PRKRIP1: variants seen among roughly 807,000 people sequenced by gnomAD.
The protein encoded by PRKRIP1 is PRKR interacting protein 1.
In PRKRIP1, 29 loss-of-function variants were observed where a neutral mutation model predicts 29.3. The observed-to-expected ratio is 0.99, with a 90% CI of 0.74 to 1.35. The LOEUF (loss-of-function observed/expected upper bound fraction) is 1.35, where lower values mean the gene tolerates loss of function less well. PRKRIP1 is among the 40% of genes most tolerant of loss of function. The pLI, the probability that PRKRIP1 is intolerant of heterozygous loss-of-function variation, is 0.00. For missense variants in PRKRIP1, 247 were observed against 236.8 expected, an observed-to-expected ratio of 1.04 and a Z score of -0.28; for synonymous variants, 90 against 85.1, an observed-to-expected ratio of 1.06 and a Z score of -0.32.
Position 102,397,602 on chromosome 7 carries a change from C to T in PRKRIP1, c.127-18C>T. 1 of 1,603,860 alleles carries T rather than the reference C, an allele frequency of 6.2e-7. No individual in the cohort carries two copies. The highest frequency in any genetic ancestry group is 8.5e-7 in the Non-Finnish European group (1 of 1,171,544). Reference sequence around the variant, plus strand: ...CAACAGGTTTATACTTAAATGCTTTCATGTTTAAATGTTGCAGGACAAAGC... The same window carrying T: ...CAACAGGTTTATACTTAAATGCTTTTATGTTTAAATGTTGCAGGACAAAGC... On this transcript the variant is annotated intron_variant, in intron 1 of 5. Coordinates refer to ENST00000397912, the MANE Select transcript of PRKRIP1 (RefSeq NM_024653.4).
chr7:102,418,697 A>G (rs1355851344), intron 5 of PRKRIP1, among the ~76,000 whole-genome samples: 1 of 152,128 alleles, frequency 6.6e-6, no homozygotes, highest in African/African-American at 2.4e-5. Context: ...TAATTGCTCA[A>G]TGCCAGCATA....
chr7:102,408,480 G>A (rs1263527434), intron 5 of PRKRIP1, among the ~76,000 whole-genome samples: 5 of 152,112 alleles, frequency 3.3e-5, no homozygotes, highest in South Asian at 2.1e-4. Context: ...CAATCCTGCC[G>A]CCTCTGAACT....
rs1554574304 is a variant in PRKRIP1, at chr7:102,425,232, A to C, written c.*121A>C. 3 of 1,522,162 alleles carry C rather than the reference A, an allele frequency of 2.0e-6. No individual in the cohort carries two copies. The highest frequency in any genetic ancestry group is 1.4e-5 in the African/African-American group (1 of 72,560). 94.3% of individuals were successfully genotyped at this position (1,522,162 alleles called of 1,614,324 possible). On this transcript the variant is annotated 3_prime_UTR_variant, in exon 6 of 6. Transcript: ENST00000397912. ...TGACCCGCTGGATGGAGAGCAAAGG[A>C]GACCCCTCCCGAGCCGCTCACAGTC...
chr7:102,425,506 GCCA>G lies in PRKRIP1; in HGVS notation c.*399_*401del, dbSNP rs1796809053. The stretch of plus-strand genomic sequence containing the variant: ...CAAACACTCTGGAGAAGGCTGAGAT[GCCA>G]CCATTCCCACGGGGACTGAAGACAC... On this transcript the variant is annotated 3_prime_UTR_variant, in exon 6 of 6. Transcript: ENST00000397912. 1.7e-5 allele frequency: 5 copies of G among 299,750 alleles called. No homozygotes were observed. The highest frequency in any genetic ancestry group is 1.3e-4 in the South Asian group (5 of 37,188). 18.6% of individuals were successfully genotyped at this position (299,750 alleles called of 1,614,324 possible).
At chr7:102,408,191 G>A (rs925691132) in intron 5 of PRKRIP1, among the ~76,000 whole-genome samples, 14 of 152,214 alleles carry the variant, frequency 9.2e-5, no homozygotes, top group Non-Finnish European at 1.6e-4. Context: ...AAGAAGGGGA[G>A]TGAGGTGGTA....
Position 102,407,466 on chromosome 7 carries a change from A to G in PRKRIP1, c.425A>G (p.Lys142Arg). 6.2e-7 allele frequency: 1 copy of G among 1,613,266 alleles called. No homozygotes were observed. Among genetic ancestry groups the G allele is most frequent in the Non-Finnish European group, 8.5e-7 (1 of 1,179,178 alleles). ...QKLKEKKLLA[K>R]KMKLEQKKQE... ...TTAAAAGAGAAGAAATTACTGGCAA[A>G]GAAGATGAAACTTGAACAGAAGAAA... Residue 142 changes from lysine to arginine, a missense_variant, in exon 5 of 6, where the codon AAG becomes AGG. Lys to Arg is a conservative substitution (Grantham distance 26). Transcript: ENST00000397912.
At chr7:102,422,525 A>G (rs1293917471) in intron 5 of PRKRIP1, among the ~76,000 whole-genome samples, 2 of 151,940 alleles carry the variant, frequency 1.3e-5, no homozygotes, top group Non-Finnish European at 2.9e-5. Flanking sequence ...TATTTTTAGT[A>G]GAGACGGGGT....
intron 1 of PRKRIP1, 39 bp from the exon 2 acceptor site, chr7:102,397,581 A>T: frequency 6.5e-7 from 1 of 1,534,832 alleles, no homozygotes; most frequent in African/African-American, 1.4e-5. Context: ...TTTTGTCAAC[A>T]GGTTTATACT....
chr7:102,422,224 G>GA (rs1796714614), intron 5 of PRKRIP1, among the ~76,000 whole-genome samples: 1 of 149,500 alleles, frequency 6.7e-6, no homozygotes, highest in African/African-American at 2.5e-5. Context: ...GCCCAGGCTG[G>GA]AGTACAGTGC....
chr7:102,419,843 TTTTGTGTGTGTGTGTGTGTGTGTG>T (rs1340192073), intron 5 of PRKRIP1, among the ~76,000 whole-genome samples: 1 of 133,536 alleles, frequency 7.5e-6, no homozygotes, highest in African/African-American at 2.8e-5. Context: ...TTTTTTGTGT[TTTTGTGTGTGTGTGTGTGTGTGTG>T]TGTGTGTGTG....
intron 5 of PRKRIP1, among the ~76,000 whole-genome samples, chr7:102,416,766 A>G (rs1366570156): frequency 6.6e-6 from 1 of 150,446 alleles, no homozygotes. Flanking sequence ...TGCAGCCTCG[A>G]ACTTCTGGGC....
In PRKRIP1 at chr7:102,425,826, G is replaced by T; in HGVS notation, c.*715G>T. On this transcript the variant is annotated 3_prime_UTR_variant, in exon 6 of 6. Transcript: ENST00000397912. The stretch of plus-strand genomic sequence containing the variant: ...AGGCGGAGACTCCAAGCTGGGCTGA[G>T]CCAGAGCAGAAGGCGAGGGATTCCC... The T allele has an allele frequency of 6.4e-6, 1 of 155,236 alleles. No individual in the cohort carries two copies. The allele number at this position is 155,236 out of a possible 1,614,324, so 9.6% of individuals were successfully genotyped here. A position where few individuals can be genotyped will look rare whatever the true frequency, so the allele number is the denominator to read the frequency against.
At chr7:102,421,183 G>A (rs969866372) in intron 5 of PRKRIP1, among the ~76,000 whole-genome samples, 1 of 152,202 alleles carries the variant, frequency 6.6e-6, no homozygotes, top group African/African-American at 2.4e-5. Flanking sequence ...ACTGCCACGC[G>A]TGACCTGAAG....
At chr7:102,408,814 T>C (rs1554572194) in intron 5 of PRKRIP1, among the ~76,000 whole-genome samples, 1 of 151,920 alleles carries the variant, frequency 6.6e-6, no homozygotes, top group Non-Finnish European at 1.5e-5. Flanking sequence ...GAGGCTGAGG[T>C]TGCAGTGAGC....
intron 2 of PRKRIP1, among the ~76,000 whole-genome samples, chr7:102,398,264 G>GT (rs1254793979): frequency 6.6e-5 from 10 of 150,622 alleles, no homozygotes; most frequent in Admixed American, 2.0e-4. Flanking sequence ...CAGTATTGCG[G>GT]TTTTTTTTGT....
chr7:102,402,905 C>T (rs7809437), intron 3 of PRKRIP1, among the ~76,000 whole-genome samples: 109,936 of 151,324 alleles, frequency 0.73, 40,250 homozygotes, highest in Middle Eastern at 0.84. Flanking sequence ...TTCTCTGAGA[C>T]AGAGTCTCAC....
chr7:102,404,559 A>T, intron 3 of PRKRIP1, 39 bp from the exon 4 acceptor site: 3 of 1,564,746 alleles, frequency 1.9e-6, no homozygotes, highest in Non-Finnish European at 2.6e-6. Flanking sequence ...CAGTCTGCCC[A>T]GACCAGAGCG....
rs151165188 is a variant in PRKRIP1, at chr7:102,408,319, A to G, written c.457+821A>G. On this transcript the variant is annotated intron_variant, in intron 5 of 5. Coordinates refer to ENST00000397912, the MANE Select transcript of PRKRIP1 (RefSeq NM_024653.4). ...CACTAGCTGCCGTCAGGCTAGAGGA[A>G]TAGAAAACAGAACTGTTGTAACCAA... Among the ~76,000 whole-genome samples the G allele has an allele frequency of 5.9e-5, 9 of 152,320 alleles. 1 individual carries two copies. In the East Asian group the frequency reaches 1.4e-3, roughly 23 times the overall value.
chr7:102,406,452 G>T (rs1256399159), intron 4 of PRKRIP1, among the ~76,000 whole-genome samples: 3 of 152,152 alleles, frequency 2.0e-5, no homozygotes, highest in Non-Finnish European at 4.4e-5. Context: ...TCAAAATAAT[G>T]ATTTTTTTGA....
Sources: allele counts gnomAD v4.1 joint callset (sites outside exome capture counted in the v4.1 genomes callset), GRCh38; gene constraint gnomAD v4.1.1; transcripts MANE v1.5; gene names NCBI Gene and HGNC (gene_info 2026-07-23, HGNC 2026-07-21).